The following KDR variants were observed in gnomAD, a reference collection of about 807,000 sequenced individuals.
The protein encoded by KDR is vascular endothelial growth factor receptor 2.
Under a neutral mutation model 160.9 loss-of-function variants are expected in KDR, and 43 were observed. The observed-to-expected ratio is 0.27, with a 90% CI of 0.21 to 0.34. The LOEUF (loss-of-function observed/expected upper bound fraction) is 0.34, where lower values mean the gene tolerates loss of function less well. KDR is among the 10% of genes least tolerant of loss of function. The pLI is 1.00. For missense variants in KDR, 1,469 were observed against 1,666.4 expected, an observed-to-expected ratio of 0.88 and a Z score of 2.06; for synonymous variants, 617 against 600.1, an observed-to-expected ratio of 1.03 and a Z score of -0.41.
chr4:55,114,640 T>C (rs530140904), intron 5 of KDR, among the ~76,000 whole-genome samples: 1 of 152,346 alleles, frequency 6.6e-6, no homozygotes, highest in Non-Finnish European at 1.5e-5. Flanking sequence ...AGTAATACCA[T>C]TCGCTTTCAT....
At chr4:55,099,959 A>G (rs769679832) in intron 15 of KDR, among the ~76,000 whole-genome samples, 1 of 152,230 alleles carries the variant, frequency 6.6e-6, no homozygotes. Context: ...AGAGGAAACT[A>G]GAAGTCAGCA....
rs1392829946 is a variant in KDR, at chr4:55,096,196, A to C, written c.2728+33T>G. ...AACACTATCAGAGAGGCATGTTAAA[A>C]TTGGGTGACCAAAACCACCCACAGT... On this transcript the variant is annotated intron_variant, in intron 19 of 29. Coordinates refer to ENST00000263923, the MANE Select transcript of KDR (RefSeq NM_002253.4). The C allele has an allele frequency of 2.4e-6, 3 of 1,231,010 alleles. No individual in the cohort carries two copies. The African/African-American group carries it at 4.4e-5, about 18-fold the overall frequency. 76.3% of individuals were successfully genotyped at this position (1,231,010 alleles called of 1,614,324 possible). A position where few individuals can be genotyped will look rare whatever the true frequency, so the allele number is the denominator to read the frequency against.
intron 6 of KDR, 72 bp downstream of exon 6, chr4:55,114,054 T>A: frequency 6.5e-7 from 1 of 1,549,818 alleles, no homozygotes; most frequent in Non-Finnish European, 8.9e-7. Context: ...GAGGCCCCTA[T>A]CTCTCAAGCA....
chr4:55,104,452 A>AT, intron 13 of KDR, 191 bp downstream of exon 13: 1 of 626,958 alleles, frequency 1.6e-6, no homozygotes, highest in East Asian at 2.8e-5. Flanking sequence ...AGGTTTTGTT[A>AT]TTTTCTCCTT....
rs1719681617 is a variant in KDR at position 55,079,746 on chromosome 4, A to T, written c.*195T>A. On this transcript the variant is annotated 3_prime_UTR_variant, in exon 30 of 30. Transcript: ENST00000263923. ...TCAGGTCAACACTGGGAGAAGACAC[A>T]GACACATTCTTGGGTCACAAGCCTC... The T allele has an allele frequency of 1.6e-6, 1 of 630,142 alleles. No individual in the cohort carries two copies. The highest frequency in any genetic ancestry group is 1.8e-5 in the African/African-American group (1 of 54,780). 39.0% of individuals were successfully genotyped at this position (630,142 alleles called of 1,614,324 possible). A position where few individuals can be genotyped will look rare whatever the true frequency, so the allele number is the denominator to read the frequency against.
chr4:55,102,220 A>G, intron 14 of KDR, 142 bp downstream of exon 14: 1 of 1,271,640 alleles, frequency 7.9e-7, no homozygotes, highest in Non-Finnish European at 1.1e-6. Context: ...CCCATACTCC[A>G]ATTCTAAGTC....
At chr4:55,082,955 G>A (rs1719774734) in intron 27 of KDR, among the ~76,000 whole-genome samples, 1 of 152,180 alleles carries the variant, frequency 6.6e-6, no homozygotes, top group African/African-American at 2.4e-5. Context: ...CTTCCTGATT[G>A]CATGGGATTC....
At chr4:55,088,722 G>C in intron 26 of KDR, 146 bp downstream of exon 26, 1 of 702,272 alleles carries the variant, frequency 1.4e-6, no homozygotes, top group Non-Finnish European at 2.6e-6. Context: ...TTTTAGAAAA[G>C]CATTATTACT....
In KDR at chr4:55,096,362, A is replaced by T; in HGVS notation, c.2615-20T>A. 1 of 1,554,662 alleles carries T rather than the reference A, an allele frequency of 6.4e-7. No homozygotes were observed. Among genetic ancestry groups the T allele is most frequent in the South Asian group, 1.1e-5 (1 of 89,686 alleles). ...CTCCTTCTACAAATACAGTACAAAG[A>T]GGGAAATCATAGGTATGGACATTTC... On this transcript the variant is annotated intron_variant, in intron 18 of 29. Transcript: ENST00000263923.
intron 27 of KDR, among the ~76,000 whole-genome samples, chr4:55,084,111 G>A (rs570292618): frequency 1.6e-4 from 24 of 152,286 alleles, no homozygotes; most frequent in African/African-American, 5.5e-4. Context: ...CTCTTCAGAT[G>A]AGGAAACCAA....
Position 55,082,024 on chromosome 4 carries a change from A to G in KDR, c.3780T>C (p.Ser1260=), listed in dbSNP as rs915900852. ...KVIPDDNQTD[S]GMVLASEELK... Reference sequence around the variant, plus strand: ...GCTCTTCTGAGGCAAGAACCATACCACTGTCCGTCTGGTTGTCCTTTTTAA... The same window carrying G: ...GCTCTTCTGAGGCAAGAACCATACCGCTGTCCGTCTGGTTGTCCTTTTTAA... The change falls in exon 29 of 30, where the codon AGT becomes AGC. Residue 1260 remains serine, a synonymous_variant. Transcript: ENST00000263923. 1 of 1,613,112 alleles carries G rather than the reference A, an allele frequency of 6.2e-7. No individual in the cohort carries two copies. Among genetic ancestry groups the G allele is most frequent in the African/African-American group, 1.3e-5 (1 of 74,898 alleles).
At position 55,098,170 on chromosome 4, in the gene KDR, T is replaced by C; in HGVS notation, c.2476A>G (p.Lys826Glu). Residue 826 changes from lysine to glutamate, a missense_variant, in exon 17 of 30, where the codon AAA (lysine) becomes GAA (glutamate). By Grantham distance (56) the Lys-to-Glu change is moderately conservative. This residue lies in a region of KDR where 118 missense variants were observed against 110.8 expected (regional missense o/e 1.06). Transcript: ENST00000263923. ...HCERLPYDAS[K>E]WEFPRDRLKL... ...AGCCGGTCTCTGGGGAATTCCCATT[T>C]GCTGGCATCATAAGGCAGTCGTTCA... 6.2e-6 allele frequency: 10 copies of C among 1,614,006 alleles called. No individual in the cohort carries two copies. Among genetic ancestry groups the C allele is most frequent in the Non-Finnish European group, 8.5e-6 (10 of 1,179,904 alleles).
Position 55,088,977 on chromosome 4 carries a change from G to A in KDR, c.3405-4C>T, listed in dbSNP as rs370501217. The stretch of plus-strand genomic sequence containing the variant: ...GCAGTCCAGCATGGTCTGGTACCTA[G>A]AGAAGCAAAACACTGATTTCATTAA... On this transcript the variant is annotated splice_region_variant and splice_polypyrimidine_tract_variant and intron_variant, in intron 25 of 29. Coordinates refer to ENST00000263923, the MANE Select transcript of KDR (RefSeq NM_002253.4). The A allele has an allele frequency of 4.1e-5, 65 of 1,603,222 alleles. No homozygotes were observed. The highest frequency in any genetic ancestry group is 5.5e-5 in the Non-Finnish European group (64 of 1,170,250).
chr4:55,083,468 A>T (rs1719785516), intron 27 of KDR, among the ~76,000 whole-genome samples: 1 of 152,088 alleles, frequency 6.6e-6, no homozygotes, highest in Non-Finnish European at 1.5e-5. Context: ...AACAAAGCTC[A>T]TTTTTCTCCT....
At chr4:55,086,291 C>G (rs528329373) in intron 27 of KDR, among the ~76,000 whole-genome samples, 1 of 152,228 alleles carries the variant, frequency 6.6e-6, no homozygotes, top group East Asian at 1.9e-4. Context: ...TAGATTATAT[C>G]TTATAACTCT....
intron 10 of KDR, 69 bp downstream of exon 10, chr4:55,107,668 G>A: frequency 6.3e-7 from 1 of 1,598,822 alleles, no homozygotes. Context: ...TTAGGATGGA[G>A]TCATATCATA....
chr4:55,120,359 G>A (rs377142411), intron 2 of KDR, among the ~76,000 whole-genome samples: 11 of 152,274 alleles, frequency 7.2e-5, no homozygotes, highest in African/African-American at 2.6e-4. Context: ...TTTCGTGTGT[G>A]ATCACTATGT....
chr4:55,125,094 T>G (rs1164357511), intron 1 of KDR, 133 bp downstream of exon 1: 12 of 857,614 alleles, frequency 1.4e-5, no homozygotes, highest in Admixed American at 2.0e-5. Flanking sequence ...TCCCCACTGG[T>G]AAATGAAAGA....
chr4:55,095,347 T>C (rs1720123624), intron 20 of KDR, among the ~76,000 whole-genome samples: 1 of 151,976 alleles, frequency 6.6e-6, no homozygotes, highest in Non-Finnish European at 1.5e-5. Flanking sequence ...ATACCTGCCT[T>C]CTCCCCCATG....
Sources: gnomAD v4.1 joint callset for allele counts (sites outside exome capture counted in the v4.1 genomes callset) on GRCh38, gnomAD v4.1.1 for gene constraint, gnomAD v4.1.1 regional missense constraint, MANE v1.5 for transcripts, NCBI Gene and HGNC (gene_info 2026-07-23, HGNC 2026-07-21) for gene names.